The following DPYD variants were observed in gnomAD, a reference collection of about 807,000 sequenced individuals.
DPYD encodes dihydropyrimidine dehydrogenase.
A neutral mutation model predicts 116.2 loss-of-function variants in DPYD; 109 were observed. The observed-to-expected ratio is 0.94, with a 90% CI of 0.80 to 1.10. The LOEUF is 1.10. Among genes scored for constraint, DPYD ranks in the 50% least tolerant of loss-of-function variants. The pLI, the probability that DPYD is intolerant of heterozygous loss-of-function variation, is 0.00. For synonymous variants in DPYD, 440 were observed against 432.0 expected (o/e 1.02, Z -0.23); for missense variants, 1,302 against 1,254.5 (o/e 1.04, Z -0.57).
chr1:97,085,878 T>C lies in DPYD; in HGVS notation c.2767-3408A>G, dbSNP rs1007165085. On this transcript the variant is annotated intron_variant, in intron 21 of 22. Transcript: ENST00000370192. ...CATCCCTGATTAGTGGAAATGGTTA[T>C]ATGTAGATATGTATGTGGAGAAAGC... Among the ~76,000 whole-genome samples the C allele has an allele frequency of 3.9e-5, 6 of 152,354 alleles. No individual in the cohort carries two copies. In the East Asian group the frequency reaches 1.2e-3, roughly 29 times the overall value.
At chr1:97,425,225 A>G (rs1439891638) in intron 14 of DPYD, among the ~76,000 whole-genome samples, 1 of 152,088 alleles carries the variant, frequency 6.6e-6, no homozygotes, top group African/African-American at 2.4e-5. Context: ...TCAACTAAAG[A>G]AAAACAAATA....
At position 97,098,641 on chromosome 1, in the gene DPYD, A is replaced by G; in HGVS notation, c.2623-9T>C. 3.1e-6 allele frequency: 5 copies of G among 1,612,556 alleles called. No individual in the cohort carries two copies. Among genetic ancestry groups the G allele is most frequent in the Non-Finnish European group, 4.2e-6 (5 of 1,179,176 alleles). On this transcript the variant is annotated splice_polypyrimidine_tract_variant and intron_variant, in intron 20 of 22. Coordinates refer to ENST00000370192, the MANE Select transcript of DPYD (RefSeq NM_000110.4). ...CCAAAACTTGGCAGTTTCTAAAAGGAAAACACACAAATAAGGAAGCATGTT... is the reference window on the plus strand; with the variant it reads ...CCAAAACTTGGCAGTTTCTAAAAGGGAAACACACAAATAAGGAAGCATGTT...
intron 19 of DPYD, among the ~76,000 whole-genome samples, chr1:97,225,003 G>GTCTA (rs3050227): frequency 0.096 from 12,217 of 126,992 alleles, 522 homozygotes; most frequent in East Asian, 0.14. Context: ...CTGTCTGTCT[G>GTCTA]TCTATCTATC....
At chr1:97,469,053 T>C (rs1677483624) in intron 13 of DPYD, among the ~76,000 whole-genome samples, 1 of 152,194 alleles carries the variant, frequency 6.6e-6, no homozygotes, top group Non-Finnish European at 1.5e-5. Flanking sequence ...TCTGTGATCC[T>C]AATGGCCCTC....
chr1:97,173,371 T>C (rs893940510), intron 20 of DPYD, among the ~76,000 whole-genome samples: 25 of 150,248 alleles, frequency 1.7e-4, no homozygotes, highest in Admixed American at 2.0e-4. Context: ...TATATACATA[T>C]ATGTGTGTAT....
chr1:97,590,346 G>C (rs1032820842), intron 10 of DPYD, among the ~76,000 whole-genome samples: 6 of 152,058 alleles, frequency 3.9e-5, no homozygotes, highest in African/African-American at 1.4e-4. Flanking sequence ...ATCTAACTTG[G>C]AAGGTATTAG....
At chr1:97,836,351 A>C (rs908845293) in intron 2 of DPYD, among the ~76,000 whole-genome samples, 1 of 152,182 alleles carries the variant, frequency 6.6e-6, no homozygotes, top group Non-Finnish European at 1.5e-5. Flanking sequence ...AGTAACACAG[A>C]AAACACGTTA....
chr1:97,555,439 C>A (rs1017171458), intron 11 of DPYD, among the ~76,000 whole-genome samples: 1 of 152,080 alleles, frequency 6.6e-6, no homozygotes, highest in African/African-American at 2.4e-5. Context: ...ATGTCCCTTC[C>A]AAATCATCAC....
chr1:97,663,883 C>T (rs1659405292), intron 8 of DPYD, among the ~76,000 whole-genome samples: 1 of 152,130 alleles, frequency 6.6e-6, no homozygotes, highest in Admixed American at 6.5e-5. Context: ...TATCCTTTTC[C>T]TACAGAGGCT....
Position 97,842,207 on chromosome 1 carries a change from C to T in DPYD, c.151-14011G>A, listed in dbSNP as rs543291002. On this transcript the variant is annotated intron_variant, in intron 2 of 22. Transcript: ENST00000370192. ...TAATTTTATTTTTAATCAACTTTGG[C>T]GATATATAAAGTAACATTTTTATCA... Among the ~76,000 whole-genome samples, 66 of 151,668 alleles carry T rather than the reference C, an allele frequency of 4.4e-4. 1 individual carries two copies. The South Asian group carries it at 6.0e-3, about 14-fold the overall frequency.
At chr1:97,460,936 C>T (rs1676982198) in intron 13 of DPYD, among the ~76,000 whole-genome samples, 1 of 151,530 alleles carries the variant, frequency 6.6e-6, no homozygotes, top group Non-Finnish European at 1.5e-5. Context: ...ACTCGGGAGG[C>T]TGAGGCAGGA....
intron 20 of DPYD, among the ~76,000 whole-genome samples, chr1:97,115,635 G>T (rs1166598591): frequency 6.6e-6 from 1 of 152,198 alleles, no homozygotes; most frequent in Admixed American, 6.5e-5. Flanking sequence ...GTTCTTAAAA[G>T]TATTGTCTTA....
In DPYD at chr1:97,470,126, T is replaced by C. The variant is rs116554355; in HGVS notation, c.1741-19903A>G. ...TATATATTGATTCTCATAAACTTCA[T>C]ACATTCCCCCTGCATTTTTCGAATC... On this transcript the variant is annotated intron_variant, in intron 13 of 22. Coordinates refer to ENST00000370192, the MANE Select transcript of DPYD (RefSeq NM_000110.4). Among the ~76,000 whole-genome samples the C allele has an allele frequency of 2.4e-3, 365 of 152,328 alleles. 6 individuals carry two copies. Among genetic ancestry groups the C allele is most frequent in the African/African-American group, 8.2e-3 (342 of 41,590 alleles).
intron 14 of DPYD, among the ~76,000 whole-genome samples, chr1:97,399,698 C>T (rs1162296301): frequency 6.6e-6 from 1 of 151,936 alleles, no homozygotes; most frequent in Non-Finnish European, 1.5e-5. Flanking sequence ...GTATTTTATT[C>T]TCTTTGAAGC....
At chr1:97,706,257 C>T (rs1661946469) in intron 5 of DPYD, among the ~76,000 whole-genome samples, 1 of 151,898 alleles carries the variant, frequency 6.6e-6, no homozygotes, top group South Asian at 2.1e-4. Flanking sequence ...GTTCATGAAG[C>T]ATTTAAAAAA....
intron 13 of DPYD, among the ~76,000 whole-genome samples, chr1:97,483,207 C>A (rs1678420192): frequency 6.6e-6 from 1 of 152,212 alleles, no homozygotes; most frequent in African/African-American, 2.4e-5. Flanking sequence ...TGAAGGTATA[C>A]TGCATACCTC....
At chr1:97,918,704 T>G (rs1167568219) in intron 1 of DPYD, among the ~76,000 whole-genome samples, 1 of 152,236 alleles carries the variant, frequency 6.6e-6, no homozygotes, top group African/African-American at 2.4e-5. Context: ...CCTGAGGTTC[T>G]GTAGTTAGCT....
At chr1:97,643,780 G>T (rs141885042) in intron 8 of DPYD, among the ~76,000 whole-genome samples, 13,015 of 152,188 alleles carry the variant, frequency 0.086, 794 homozygotes, top group Non-Finnish European at 0.11. Flanking sequence ...CATGTCCTTT[G>T]CAGGGACATG....
At chr1:97,230,052 A>C (rs1238206382) in intron 19 of DPYD, among the ~76,000 whole-genome samples, 1 of 152,246 alleles carries the variant, frequency 6.6e-6, no homozygotes, top group African/African-American at 2.4e-5. Flanking sequence ...CAGTCAATAC[A>C]TGGGGTAACC....
Sources: allele counts gnomAD v4.1 joint callset (sites outside exome capture counted in the v4.1 genomes callset), GRCh38; gene constraint gnomAD v4.1.1; transcripts MANE v1.5; gene names NCBI Gene and HGNC (gene_info 2026-07-23, HGNC 2026-07-21).